ME2: variants seen among roughly 807,000 people sequenced by gnomAD.
ME2 encodes malic enzyme 2.
Under a neutral mutation model 73.7 loss-of-function variants are expected in ME2, and 60 were observed. That is an observed-to-expected ratio of 0.81 (90% confidence interval 0.66 to 1.01). The LOEUF is 1.01. Among genes scored for constraint, ME2 ranks in the 50% least tolerant of loss-of-function variants. The pLI, the probability that ME2 is intolerant of heterozygous loss-of-function variation, is 0.00. For synonymous variants in ME2, 199 were observed against 236.9 expected, an observed-to-expected ratio of 0.84 and a Z score of 1.47; for missense variants, 594 against 705.5, an observed-to-expected ratio of 0.84 and a Z score of 1.79.
chr18:50,931,359 T>A (rs962428755), intron 12 of ME2, among the ~76,000 whole-genome samples: 2 of 152,228 alleles, frequency 1.3e-5, no homozygotes, highest in African/African-American at 2.4e-5. Context: ...GCTATGGAGT[T>A]ACAAAAAAAT....
chr18:50,905,813 T>C (rs1259145063), intron 2 of ME2, among the ~76,000 whole-genome samples: 1 of 152,128 alleles, frequency 6.6e-6, no homozygotes, highest in Non-Finnish European at 1.5e-5. Context: ...AGAGAATAGA[T>C]TGTAAATGTT....
intron 7 of ME2, 115 bp downstream of exon 7, chr18:50,918,328 G>A (rs534891249): frequency 1.7e-4 from 96 of 577,902 alleles, no homozygotes; most frequent in African/African-American, 1.6e-3. Context: ...AGCAGGAGGC[G>A]ATTAAATTTT....
chr18:50,946,237 A>G (rs1421156803), intron 15 of ME2, among the ~76,000 whole-genome samples: 1 of 152,200 alleles, frequency 6.6e-6, no homozygotes, highest in Non-Finnish European at 1.5e-5. Flanking sequence ...CTGAGGTTCA[A>G]GGGCTTATTC....
chr18:50,897,978 C>T (rs1916791404), intron 2 of ME2, among the ~76,000 whole-genome samples: 1 of 152,122 alleles, frequency 6.6e-6, no homozygotes, highest in African/African-American at 2.4e-5. Flanking sequence ...TTCTGGAAAC[C>T]CCTTAAACAT....
rs117210349 is a variant in ME2 at position 50,909,553 on chromosome 18, C to T, written c.242+1357C>T. On this transcript the variant is annotated intron_variant, in intron 3 of 15. Transcript: ENST00000321341. The stretch of plus-strand genomic sequence containing the variant: ...TAGAGGGATCGGTCTGCATATAGAA[C>T]TAAGCATATCAATTGAGTTTGTTAA... Among the ~76,000 whole-genome samples, 649 of 152,212 alleles carry T rather than the reference C, an allele frequency of 4.3e-3. 9 individuals are homozygous for T. The East Asian group carries it at 0.065, about 15-fold the overall frequency.
In ME2 at chr18:50,879,693, AC is replaced by A. The variant is rs566438007; in HGVS notation, c.-13+388del. ...CACAAAAGGACTTCTGTGGCTGGAA[AC>A]CCTTTGGCAAGCCTATCTCCTTTAT... On this transcript the variant is annotated intron_variant, in intron 1 of 15. Transcript: ENST00000321341. Among the ~76,000 whole-genome samples, 409 of 152,056 alleles carry A rather than the reference AC, an allele frequency of 2.7e-3. 1 individual carries two copies. Among genetic ancestry groups the A allele is most frequent in the African/African-American group, 9.4e-3 (389 of 41,490 alleles).
intron 13 of ME2, 111 bp downstream of exon 13, chr18:50,932,471 G>A: frequency 1.5e-6 from 1 of 681,740 alleles, no homozygotes; most frequent in Non-Finnish European, 2.3e-6. Context: ...ACAGAATTTT[G>A]GTATAAATGT....
rs1223717994 is a variant in ME2 at position 50,950,843 on chromosome 18, G to A, written c.*3659G>A. ...GTGATGCCTATGCTGCTGGTACAGTGAACAACATGCTGAGAGGCATTGCTC... is the reference window on the plus strand; with the variant it reads ...GTGATGCCTATGCTGCTGGTACAGTAAACAACATGCTGAGAGGCATTGCTC... On this transcript the variant is annotated 3_prime_UTR_variant, in exon 16 of 16. Coordinates refer to ENST00000321341, the MANE Select transcript of ME2 (RefSeq NM_002396.5). 1.3e-5 allele frequency: 2 copies of A among 152,140 alleles called. No homozygotes were observed. Among genetic ancestry groups the A allele is most frequent in the Non-Finnish European group, 2.9e-5 (2 of 68,070 alleles). 9.4% of individuals were successfully genotyped at this position (152,140 alleles called of 1,614,324 possible).
intron 3 of ME2, among the ~76,000 whole-genome samples, chr18:50,910,779 T>C (rs1917137625): frequency 6.6e-6 from 1 of 152,212 alleles, no homozygotes; most frequent in Admixed American, 6.5e-5. Context: ...GGAAGGGTAG[T>C]ACAGTGATAA....
chr18:50,899,223 C>T (rs1916828843), intron 2 of ME2, among the ~76,000 whole-genome samples: 1 of 152,182 alleles, frequency 6.6e-6, no homozygotes, highest in South Asian at 2.1e-4. Flanking sequence ...CATCCTGAAA[C>T]CATTCCCTAC....
rs376382423 is a variant in ME2, at chr18:50,947,208, T to C, written c.*24T>C. ...AGAAGCACTCCCCTGATAAATACTT[T>C]CTGTGCTCCAGGGAACCCCTTTTTT... On this transcript the variant is annotated 3_prime_UTR_variant, in exon 16 of 16. Transcript: ENST00000321341. 2 of 1,603,970 alleles carry C rather than the reference T, an allele frequency of 1.2e-6. No homozygotes were observed. Among genetic ancestry groups the C allele is most frequent in the Non-Finnish European group, 1.7e-6 (2 of 1,175,474 alleles).
At chr18:50,913,641 C>CT (rs1208619588) in intron 4 of ME2, among the ~76,000 whole-genome samples, 1 of 151,886 alleles carries the variant, frequency 6.6e-6, no homozygotes. Flanking sequence ...GCCTGTTCTC[C>CT]TTTTTTTAAT....
At chr18:50,905,429 T>C (rs1319849549) in intron 2 of ME2, among the ~76,000 whole-genome samples, 1 of 152,222 alleles carries the variant, frequency 6.6e-6, no homozygotes, top group Non-Finnish European at 1.5e-5. Context: ...TTTATTGTAC[T>C]GTTGATGAAA....
At chr18:50,916,504 G>A (rs1917288873) in intron 5 of ME2, 1 of 300,186 alleles carries the variant, frequency 3.3e-6, no homozygotes, top group African/African-American at 2.2e-5. Context: ...GGTGTCTCCT[G>A]CCTTCTCAAT....
At position 50,893,543 on chromosome 18, in the gene ME2, A is replaced by G. The variant is rs1054206989; in HGVS notation, c.-12-2266A>G. Among the ~76,000 whole-genome samples, 4 of 152,278 alleles carry G rather than the reference A, an allele frequency of 2.6e-5. No individual in the cohort carries two copies. In the South Asian group the frequency reaches 8.3e-4, roughly 32 times the overall value. On this transcript the variant is annotated intron_variant, in intron 1 of 15. Coordinates refer to ENST00000321341, the MANE Select transcript of ME2 (RefSeq NM_002396.5). ...AGTTAGCCTTGGTAACTGAGGAAGT[A>G]ATTGGCTTGTGTTTGACTCAAAAAG...
chr18:50,899,946 C>T (rs555769889), intron 2 of ME2, among the ~76,000 whole-genome samples: 2 of 152,300 alleles, frequency 1.3e-5, no homozygotes, highest in South Asian at 2.1e-4. Flanking sequence ...CAAAATCTGA[C>T]ATGATTGGTG....
chr18:50,912,973 C>T (rs1281285023), intron 4 of ME2, 23 bp downstream of exon 4: 3 of 1,559,166 alleles, frequency 1.9e-6, no homozygotes, highest in Non-Finnish European at 2.6e-6. Context: ...TAAAAAAAAG[C>T]TTGTAAATGA....
In ME2 at chr18:50,898,956, G is replaced by A. The variant is rs539573716; in HGVS notation, c.108+3028G>A. Reference sequence around the variant, plus strand: ...ATTGGATTTCTCCTTTTCTCCCCATGCTCATTTGGCTAACTTTTCTCATAA... The same window carrying A: ...ATTGGATTTCTCCTTTTCTCCCCATACTCATTTGGCTAACTTTTCTCATAA... On this transcript the variant is annotated intron_variant, in intron 2 of 15. Transcript: ENST00000321341. Among the ~76,000 whole-genome samples, 5 of 152,242 alleles carry A rather than the reference G, an allele frequency of 3.3e-5. No homozygotes were observed. In the South Asian group the frequency reaches 1.0e-3, roughly 32 times the overall value.
intron 4 of ME2, among the ~76,000 whole-genome samples, chr18:50,914,476 A>G (rs1382293304): frequency 1.3e-5 from 2 of 152,192 alleles, no homozygotes; most frequent in Non-Finnish European, 1.5e-5. Context: ...CATGAAGAGC[A>G]TGGCTTATGT....
Sources: allele counts gnomAD v4.1 joint callset (sites outside exome capture counted in the v4.1 genomes callset), GRCh38; gene constraint gnomAD v4.1.1; transcripts MANE v1.5; gene names NCBI Gene and HGNC (gene_info 2026-07-23, HGNC 2026-07-21).